Variants in GRB2 observed in about 807,000 individuals in gnomAD.
The protein encoded by GRB2 is growth factor receptor-bound protein 2.
Under a neutral mutation model 27.4 loss-of-function variants are expected in GRB2, and 2 were observed. The observed-to-expected ratio is 0.07, with a 90% CI of 0.03 to 0.23. The LOEUF (loss-of-function observed/expected upper bound fraction) is 0.23. Among genes scored for constraint, GRB2 ranks in the 10% least tolerant of loss-of-function variants. The pLI, the probability that GRB2 is intolerant of heterozygous loss-of-function variation, is 1.00. For missense variants in GRB2, 102 were observed against 282.4 expected, an observed-to-expected ratio of 0.36 and a Z score of 4.58; for synonymous variants, 94 against 99.6, an observed-to-expected ratio of 0.94 and a Z score of 0.33.
intron 1 of GRB2, among the ~76,000 whole-genome samples, chr17:75,396,076 G>C (rs2079027448): frequency 6.6e-6 from 1 of 151,806 alleles, no homozygotes; most frequent in Admixed American, 6.6e-5. Flanking sequence ...GGCCTCAAGT[G>C]ATCCGCCCAC....
At chr17:75,400,033 G>A (rs1195215807) in intron 1 of GRB2, among the ~76,000 whole-genome samples, 1 of 150,242 alleles carries the variant, frequency 6.7e-6, no homozygotes, top group Non-Finnish European at 1.5e-5. Context: ...GTCTTGCTCT[G>A]TCACCCAGTC....
intron 2 of GRB2, among the ~76,000 whole-genome samples, chr17:75,383,056 C>G (rs570322507): frequency 6.6e-6 from 1 of 152,242 alleles, no homozygotes; most frequent in South Asian, 2.1e-4. Flanking sequence ...CACGCCTATT[C>G]TCATTATTGA....
At chr17:75,365,461 T>C (rs961685859) in intron 2 of GRB2, among the ~76,000 whole-genome samples, 2 of 152,174 alleles carry the variant, frequency 1.3e-5, no homozygotes, top group Non-Finnish European at 2.9e-5. Context: ...TCAGAATAAA[T>C]CAGTTTTGCA....
At chr17:75,388,047 G>C (rs1357964528) in intron 2 of GRB2, among the ~76,000 whole-genome samples, 1 of 152,166 alleles carries the variant, frequency 6.6e-6, no homozygotes, top group Non-Finnish European at 1.5e-5. Context: ...TAAAAAGCAA[G>C]CAGATTATTT....
chr17:75,320,657 C>T lies in GRB2; in HGVS notation c.469-104G>A. On this transcript the variant is annotated intron_variant, in intron 5 of 5. Coordinates refer to ENST00000316804, the MANE Select transcript of GRB2 (RefSeq NM_002086.5). This position sits in a 1 kb window ranked among gnomAD's most constrained non-coding sequence, Gnocchi z 4.3. ...GGGGGAAACGAATGCGTGCCAAATTCTCCATGTTTCTTAAACTCACCTCCC... is the reference window on the plus strand; with the variant it reads ...GGGGGAAACGAATGCGTGCCAAATTTTCCATGTTTCTTAAACTCACCTCCC... 1.3e-6 allele frequency: 1 copy of T among 776,720 alleles called. No homozygotes were observed. Among genetic ancestry groups the T allele is most frequent in the South Asian group, 1.6e-5 (1 of 60,952 alleles). 48.1% of individuals were successfully genotyped at this position (776,720 alleles called of 1,614,324 possible).
At chr17:75,335,770 A>G (rs2078572938) in intron 2 of GRB2, among the ~76,000 whole-genome samples, 1 of 152,228 alleles carries the variant, frequency 6.6e-6, no homozygotes. Context: ...TCACATAAAT[A>G]TTGATAGAGT....
intron 2 of GRB2, among the ~76,000 whole-genome samples, chr17:75,350,177 C>A (rs1453579864): frequency 6.8e-6 from 1 of 147,522 alleles, no homozygotes; most frequent in Non-Finnish European, 1.5e-5. Context: ...ATGATTGCAC[C>A]TGTGAATAGC....
chr17:75,394,570 C>A (rs898513975), intron 1 of GRB2, among the ~76,000 whole-genome samples: 7 of 152,176 alleles, frequency 4.6e-5, no homozygotes, highest in Admixed American at 3.9e-4. Context: ...ATGACCAAGG[C>A]TCAGCACTCC....
chr17:75,389,120 C>T (rs923185202), intron 2 of GRB2, among the ~76,000 whole-genome samples: 1 of 152,160 alleles, frequency 6.6e-6, no homozygotes, highest in African/African-American at 2.4e-5. Flanking sequence ...CGCTAAAAAC[C>T]TTCCGAGGCT....
chr17:75,382,840 C>A (rs2145864244), intron 2 of GRB2, among the ~76,000 whole-genome samples: 1 of 152,288 alleles, frequency 6.6e-6, no homozygotes, highest in South Asian at 2.1e-4. Flanking sequence ...TCCTGAGTAG[C>A]TGGGACTACA....
At chr17:75,332,242 G>A (rs1174894419) in intron 3 of GRB2, among the ~76,000 whole-genome samples, 2 of 152,116 alleles carry the variant, frequency 1.3e-5, no homozygotes, top group African/African-American at 4.8e-5. Flanking sequence ...CTTGTAAGTA[G>A]GAACACTAAG....
chr17:75,405,043 A>C (rs989366002), intron 1 of GRB2: 10 of 152,158 alleles, frequency 6.6e-5, no homozygotes, highest in Non-Finnish European at 1.3e-4. Flanking sequence ...TTCCCGCACA[A>C]AATTAAGCCC....
intron 2 of GRB2, among the ~76,000 whole-genome samples, chr17:75,390,555 A>T (rs1351038828): frequency 6.6e-6 from 1 of 152,206 alleles, no homozygotes. Flanking sequence ...CAAGAAAAAC[A>T]CAAGCTTTTA....
intron 2 of GRB2, among the ~76,000 whole-genome samples, chr17:75,354,949 A>G (rs1254465011): frequency 2.0e-5 from 3 of 152,220 alleles, no homozygotes; most frequent in African/African-American, 7.2e-5. Context: ...TTGGGATTAC[A>G]GGCACATGCC....
chr17:75,352,231 G>C (rs527930003), intron 2 of GRB2, among the ~76,000 whole-genome samples: 2 of 152,280 alleles, frequency 1.3e-5, no homozygotes, highest in Admixed American at 6.5e-5. Context: ...CACAGCCCCT[G>C]CTCTTGGCAG....
chr17:75,404,199 TAAAAG>T (rs1598261136), intron 1 of GRB2, among the ~76,000 whole-genome samples: 1 of 151,778 alleles, frequency 6.6e-6, no homozygotes, highest in African/African-American at 2.4e-5. Context: ...AGCATAATCT[TAAAAG>T]AAAAAGAGTA....
At chr17:75,368,371 G>A (rs974159806) in intron 2 of GRB2, among the ~76,000 whole-genome samples, 3 of 151,292 alleles carry the variant, frequency 2.0e-5, no homozygotes, top group Non-Finnish European at 2.9e-5. Flanking sequence ...GCCCCCCACC[G>A]TGCTCAGCTA....
intron 4 of GRB2, among the ~76,000 whole-genome samples, chr17:75,324,535 TGG>T (rs1491204360): frequency 1.4e-3 from 120 of 86,180 alleles, no homozygotes; most frequent in East Asian, 2.9e-3. Flanking sequence ...TTTTTTTTTT[TGG>T]AGACAGAGTT....
At chr17:75,404,111 TA>T (rs971936201) in intron 1 of GRB2, among the ~76,000 whole-genome samples, 31 of 142,482 alleles carry the variant, frequency 2.2e-4, no homozygotes, top group South Asian at 2.2e-4. Context: ...AAACTCTGCC[TA>T]AAAAAAAAAA....
Sources: allele counts gnomAD v4.1 joint callset (sites outside exome capture counted in the v4.1 genomes callset), GRCh38; gene constraint gnomAD v4.1.1; non-coding constraint Gnocchi (gnomAD v3.1); transcripts MANE v1.5; gene names NCBI Gene and HGNC (gene_info 2026-07-23, HGNC 2026-07-21).